The following ZNF367 variants were observed in gnomAD, a reference collection of about 807,000 sequenced individuals.
The protein encoded by ZNF367 is zinc finger protein 367, also known as C2H2 zinc finger protein ZFF29.
Under a neutral mutation model 31.8 loss-of-function variants are expected in ZNF367, and 11 were observed. The ratio of observed to expected loss-of-function variants is 0.35; its 90% CI spans 0.22 to 0.57. The LOEUF is 0.57. ZNF367 is among the 20% of genes least tolerant of loss of function. The pLI, the probability that ZNF367 is intolerant of heterozygous loss-of-function variation, is 0.85. For synonymous variants in ZNF367, 199 were observed against 202.4 expected (o/e 0.98, Z 0.14); for missense variants, 353 against 484.1 (o/e 0.73, Z 2.54).
chr9:96,418,301 G>T lies in ZNF367; in HGVS notation c.-269C>A. The stretch of plus-strand genomic sequence containing the variant: ...GGGGTGGGAAGCAGCGGGCGGCCCG[G>T]CCCTTGCGGTGACAGGAAAGCAGGA... On this transcript the variant is annotated 5_prime_UTR_variant, in exon 1 of 5. Coordinates refer to ENST00000375256, the MANE Select transcript of ZNF367 (RefSeq NM_153695.4). The T allele has an allele frequency of 2.4e-6, 1 of 417,514 alleles. No homozygotes were observed. The highest frequency in any genetic ancestry group is 4.1e-6 in the Non-Finnish European group (1 of 246,786). 25.9% of individuals were successfully genotyped at this position (417,514 alleles called of 1,614,324 possible). A position where few individuals can be genotyped will look rare whatever the true frequency, so the allele number is the denominator to read the frequency against.
At chr9:96,412,464 AG>A (rs1202525843) in intron 1 of ZNF367, among the ~76,000 whole-genome samples, 1 of 152,202 alleles carries the variant, frequency 6.6e-6, no homozygotes, top group African/African-American at 2.4e-5. Flanking sequence ...AAACAAAAAT[AG>A]GTCTCAGAGG....
At chr9:96,396,960 C>G (rs113332865) in intron 2 of ZNF367, among the ~76,000 whole-genome samples, 3,438 of 152,254 alleles carry the variant, frequency 0.023, 134 homozygotes, top group African/African-American at 0.08. Flanking sequence ...AGCCACCGCA[C>G]CCAGCCATGA....
chr9:96,398,392 C>A lies in ZNF367; in HGVS notation c.421-78G>T, dbSNP rs562457031. ...AAGCAACGTATCATAATATAACTTT[C>A]AAAAATCTTTCTTGGGAGCTGGGCG... is the stretch of plus-strand genomic sequence containing the variant. On this transcript the variant is annotated intron_variant, in intron 1 of 4. Transcript: ENST00000375256. 8 of 1,370,806 alleles carry A rather than the reference C, an allele frequency of 5.8e-6. 1 individual carries two copies. The South Asian group carries it at 1.2e-4, about 21-fold the overall frequency. 84.9% of individuals were successfully genotyped at this position (1,370,806 alleles called of 1,614,324 possible).
At chr9:96,408,921 T>C (rs1831706496) in intron 1 of ZNF367, among the ~76,000 whole-genome samples, 1 of 152,226 alleles carries the variant, frequency 6.6e-6, no homozygotes, top group South Asian at 2.1e-4. Flanking sequence ...TTTGGATGTT[T>C]GTCCCCTCCA....
chr9:96,401,862 A>C (rs1430600107), intron 1 of ZNF367, among the ~76,000 whole-genome samples: 2 of 150,274 alleles, frequency 1.3e-5, no homozygotes, highest in Non-Finnish European at 1.5e-5. Context: ...AGCAAGGTGC[A>C]GTGGTGTGTG....
Position 96,387,883 on chromosome 9 carries a change from T to G in ZNF367, c.*354A>C, listed in dbSNP as rs1350183570. ...TCTGTTTTAATCTTCTTTGGCTATTTGTACCATTCTGTTTTTCAAACAAGT... is the reference window on the plus strand; with the variant it reads ...TCTGTTTTAATCTTCTTTGGCTATTGGTACCATTCTGTTTTTCAAACAAGT... On this transcript the variant is annotated 3_prime_UTR_variant, in exon 5 of 5. Transcript: ENST00000375256. 4.6e-6 allele frequency: 1 copy of G among 217,730 alleles called. No homozygotes were observed. Among genetic ancestry groups the G allele is most frequent in the Non-Finnish European group, 9.0e-6 (1 of 111,404 alleles). The allele number at this position is 217,730 out of a possible 1,614,324, so 13.5% of individuals were successfully genotyped here.
At chr9:96,392,634 A>T in intron 3 of ZNF367, 98 bp from the exon 4 acceptor site, 2 of 1,464,660 alleles carry the variant, frequency 1.4e-6, no homozygotes, top group Non-Finnish European at 1.8e-6. Flanking sequence ...AAAGTAAATT[A>T]ATATGGTGAA....
At position 96,392,518 on chromosome 9, in the gene ZNF367, G is replaced by C. The variant is rs1439905494; in HGVS notation, c.710C>G (p.Thr237Ser). Residue 237 changes from threonine to serine, a missense_variant, in exon 4 of 5, where the codon ACC becomes AGC. Coordinates refer to ENST00000375256, the MANE Select transcript of ZNF367 (RefSeq NM_153695.4). ...CSENGCLSRFTHANRHCPKHP... is the reference protein window; with the variant it reads ...CSENGCLSRFSHANRHCPKHP... The stretch of plus-strand genomic sequence containing the variant: ...CTTCGGACAGTGGCGGTTTGCATGG[G>C]TGAATCTGCTCAGGCAGCCTTCAAA... The C allele has an allele frequency of 6.2e-7, 1 of 1,607,692 alleles. No homozygotes were observed. The highest frequency in any genetic ancestry group is 1.3e-5 in the African/African-American group (1 of 74,834).
At chr9:96,394,554 T>TA (rs1170586881) in intron 3 of ZNF367, among the ~76,000 whole-genome samples, 5 of 152,216 alleles carry the variant, frequency 3.3e-5, no homozygotes, top group Non-Finnish European at 7.3e-5. Flanking sequence ...ATGTGATTAT[T>TA]ATGCATTGCA....
At chr9:96,415,479 ATTTTTTTTTTTTTT>A (rs56349404) in intron 1 of ZNF367, among the ~76,000 whole-genome samples, 30 of 37,776 alleles carry the variant, frequency 7.9e-4, no homozygotes, top group South Asian at 9.3e-4. Context: ...TAGTTTCTTC[ATTTTTTTTTTTTTT>A]TTTTTTTTTT....
chr9:96,407,416 C>T, intron 1 of ZNF367: 3 of 1,454,852 alleles, frequency 2.1e-6, no homozygotes, highest in Non-Finnish European at 2.9e-6. Context: ...AATGATTGGT[C>T]TGAAGGCTAA....
chr9:96,408,638 T>C (rs1419065070), intron 1 of ZNF367, among the ~76,000 whole-genome samples: 1 of 152,192 alleles, frequency 6.6e-6, no homozygotes, highest in Admixed American at 6.5e-5. Flanking sequence ...GCAAGTTCAG[T>C]GAGTATAGAG....
At chr9:96,393,254 T>A (rs1184194364) in intron 3 of ZNF367, among the ~76,000 whole-genome samples, 1 of 152,306 alleles carries the variant, frequency 6.6e-6, no homozygotes, top group South Asian at 2.1e-4. Context: ...CCAGGTGCAG[T>A]GGCTCATGCC....
At chr9:96,389,441 A>T (rs1324502468) in intron 4 of ZNF367, among the ~76,000 whole-genome samples, 1 of 152,164 alleles carries the variant, frequency 6.6e-6, no homozygotes, top group Non-Finnish European at 1.5e-5. Flanking sequence ...CATCGAGAGA[A>T]TAAACAAACT....
chr9:96,399,324 G>C (rs569256618), intron 1 of ZNF367, among the ~76,000 whole-genome samples: 4 of 152,026 alleles, frequency 2.6e-5, no homozygotes, highest in Non-Finnish European at 5.9e-5. Context: ...CCTCCTTTCT[G>C]TCTACTCTTT....
chr9:96,404,463 G>A (rs1364480799), intron 1 of ZNF367, among the ~76,000 whole-genome samples: 1 of 151,884 alleles, frequency 6.6e-6, no homozygotes, highest in East Asian at 1.9e-4. Flanking sequence ...CGCGGTGGCG[G>A]GCACCTGTAG....
chr9:96,394,018 C>T (rs1327391353), intron 3 of ZNF367, among the ~76,000 whole-genome samples: 1 of 152,102 alleles, frequency 6.6e-6, no homozygotes, highest in African/African-American at 2.4e-5. Flanking sequence ...AAATGTGCAT[C>T]TTTAGAAACT....
rs1348371008 is a variant in ZNF367 at position 96,386,327 on chromosome 9, C to T, written c.*1910G>A. ...TTAAATGTTATCATCTGTGAATTGG[C>T]AAATATTTGTATTTGAAAAATTCTT... is the stretch of plus-strand genomic sequence containing the variant. On this transcript the variant is annotated 3_prime_UTR_variant, in exon 5 of 5. Coordinates refer to ENST00000375256, the MANE Select transcript of ZNF367 (RefSeq NM_153695.4). The T allele has an allele frequency of 6.6e-6, 1 of 152,114 alleles. No homozygotes were observed. Among genetic ancestry groups the T allele is most frequent in the Admixed American group, 6.5e-5 (1 of 15,278 alleles). 9.4% of individuals were successfully genotyped at this position (152,114 alleles called of 1,614,324 possible).
chr9:96,417,444 C>CCCCT lies in ZNF367; in HGVS notation c.420+168_420+169insAGGG, dbSNP rs67746769. The stretch of plus-strand genomic sequence containing the variant: ...CCGCCTGTCACGTGACAGGCCCCCC[C>CCCCT]CGACTGGGGCCGGTTTTTGGCGCGC... On this transcript the variant is annotated intron_variant, in intron 1 of 4. Coordinates refer to ENST00000375256, the MANE Select transcript of ZNF367 (RefSeq NM_153695.4). This position sits in a 1 kb window ranked among gnomAD's most constrained non-coding sequence, Gnocchi z 5.0. Among the ~76,000 whole-genome samples, 1 of 150,946 alleles carries CCCCT rather than the reference C, an allele frequency of 6.6e-6. No homozygotes were observed. The highest frequency in any genetic ancestry group is 2.4e-5 in the African/African-American group (1 of 41,176).
Sources: gnomAD v4.1 joint callset for allele counts (sites outside exome capture counted in the v4.1 genomes callset) on GRCh38, gnomAD v4.1.1 for gene constraint, Gnocchi (gnomAD v3.1) non-coding constraint, MANE v1.5 for transcripts, NCBI Gene and HGNC (gene_info 2026-07-23, HGNC 2026-07-21) for gene names.